LDLRAD3: variants seen among roughly 807,000 people sequenced by gnomAD.
LDLRAD3 encodes low density lipoprotein receptor class A domain containing 3.
A neutral mutation model predicts 29.4 loss-of-function variants in LDLRAD3; 20 were observed. That is an observed-to-expected ratio of 0.68 (90% CI 0.48 to 0.99). LDLRAD3 has a LOEUF of 0.99. Ranked by LOEUF, LDLRAD3 falls within the 50% of genes least tolerant of loss-of-function variation. The pLI is 0.00. For synonymous variants in LDLRAD3, 157 were observed against 192.7 expected (o/e 0.81, Z 1.53); for missense variants, 420 against 454.3 (o/e 0.92, Z 0.69).
intron 4 of LDLRAD3, among the ~76,000 whole-genome samples, chr11:36,207,473 G>GAC (rs1238755628): frequency 6.6e-6 from 1 of 152,232 alleles, no homozygotes; most frequent in East Asian, 1.9e-4. Context: ...AGCATAAGGA[G>GAC]ACCCTGTCTC....
At position 36,182,913 on chromosome 11, in the gene LDLRAD3, T is replaced by C. The variant is rs376965406; in HGVS notation, c.455-44172T>C. Among the ~76,000 whole-genome samples the C allele has an allele frequency of 3.9e-5, 6 of 152,338 alleles. No homozygotes were observed. In the East Asian group the frequency reaches 7.7e-4, roughly 20 times the overall value. ...TGTTAAACACATGCAGAGCCTGATA[T>C]TAAGCATTAAACCAAGGAGCTAGGC... On this transcript the variant is annotated intron_variant, in intron 4 of 5. Coordinates refer to ENST00000315571, the MANE Select transcript of LDLRAD3 (RefSeq NM_174902.4).
chr11:36,170,805 T>G (rs1422405043), intron 4 of LDLRAD3, among the ~76,000 whole-genome samples: 1 of 124,510 alleles, frequency 8.0e-6, no homozygotes, highest in Non-Finnish European at 1.8e-5. Context: ...GTATATCTTC[T>G]TTTTTTTTTT....
intron 4 of LDLRAD3, among the ~76,000 whole-genome samples, chr11:36,161,696 A>G (rs1231295219): frequency 3.3e-5 from 5 of 152,146 alleles, no homozygotes; most frequent in Admixed American, 1.3e-4. Context: ...GACATATACA[A>G]CCTGGGCTTC....
intron 2 of LDLRAD3, among the ~76,000 whole-genome samples, chr11:36,078,288 T>G (rs1853049741): frequency 6.6e-6 from 1 of 152,222 alleles, no homozygotes; most frequent in Non-Finnish European, 1.5e-5. Flanking sequence ...CCCTTCTGCC[T>G]AGGAGCATGT....
intron 3 of LDLRAD3, among the ~76,000 whole-genome samples, chr11:36,093,744 A>G (rs537227531): frequency 6.6e-6 from 1 of 152,260 alleles, no homozygotes; most frequent in African/African-American, 2.4e-5. Context: ...TATGCTGACA[A>G]TTTGAAGGGT....
chr11:36,060,273 G>A (rs1269980782), intron 2 of LDLRAD3, among the ~76,000 whole-genome samples: 1 of 149,556 alleles, frequency 6.7e-6, no homozygotes, highest in African/African-American at 2.5e-5. Context: ...AGAATGGCGT[G>A]AACCCGGGAG....
At chr11:36,179,518 G>A (rs554431204) in intron 4 of LDLRAD3, among the ~76,000 whole-genome samples, 5 of 152,208 alleles carry the variant, frequency 3.3e-5, no homozygotes, top group South Asian at 4.2e-4. Flanking sequence ...TTTTACAAGC[G>A]TCTCAGCTCA....
intron 1 of LDLRAD3, among the ~76,000 whole-genome samples, chr11:35,953,758 G>A (rs1017869851): frequency 5.3e-5 from 8 of 152,132 alleles, no homozygotes; most frequent in African/African-American, 1.9e-4. Context: ...AGAGTGATTA[G>A]CAACATAGGG....
At chr11:36,138,921 A>G (rs1212658776) in intron 4 of LDLRAD3, among the ~76,000 whole-genome samples, 1 of 152,214 alleles carries the variant, frequency 6.6e-6, no homozygotes, top group Non-Finnish European at 1.5e-5. Flanking sequence ...CTGTTTACCT[A>G]TACACACCTT....
intron 1 of LDLRAD3, among the ~76,000 whole-genome samples, chr11:35,998,301 A>G (rs1231149118): frequency 6.6e-6 from 1 of 152,066 alleles, no homozygotes; most frequent in Non-Finnish European, 1.5e-5. Flanking sequence ...AGAGAAAGGC[A>G]TTTTTCCTCC....
intron 4 of LDLRAD3, among the ~76,000 whole-genome samples, chr11:36,187,353 A>G (rs928488257): frequency 4.6e-5 from 7 of 152,208 alleles, no homozygotes; most frequent in Non-Finnish European, 8.8e-5. Context: ...TCGTGTATCT[A>G]TGTGCCTATA....
At chr11:36,130,379 G>C (rs79188934) in intron 4 of LDLRAD3, among the ~76,000 whole-genome samples, 1 of 152,126 alleles carries the variant, frequency 6.6e-6, no homozygotes, top group Non-Finnish European at 1.5e-5. Flanking sequence ...ATGTGTCCAC[G>C]GGGGCTGGAA....
chr11:36,067,855 A>G (rs1389773075), intron 2 of LDLRAD3, among the ~76,000 whole-genome samples: 2 of 151,956 alleles, frequency 1.3e-5, no homozygotes, highest in Non-Finnish European at 2.9e-5. Context: ...TTTTTTGTAG[A>G]GATAAGGTTT....
At chr11:36,014,479 G>A (rs1233927519) in intron 1 of LDLRAD3, among the ~76,000 whole-genome samples, 2 of 152,236 alleles carry the variant, frequency 1.3e-5, no homozygotes, top group African/African-American at 2.4e-5. Context: ...GGTACCTGCA[G>A]TGATGGTAAC....
intron 1 of LDLRAD3, chr11:35,967,997 T>G (rs896383903): frequency 1.4e-5 from 6 of 434,510 alleles, no homozygotes; most frequent in Non-Finnish European, 2.7e-5. Context: ...CATAAACACT[T>G]CTATCCAGGC....
intron 1 of LDLRAD3, among the ~76,000 whole-genome samples, chr11:35,983,636 T>A (rs1851571827): frequency 6.6e-6 from 1 of 152,208 alleles, no homozygotes; most frequent in Admixed American, 6.5e-5. Flanking sequence ...TATTTATTTA[T>A]TTATTTGTTT....
intron 4 of LDLRAD3, among the ~76,000 whole-genome samples, chr11:36,185,289 G>A (rs373505622): frequency 1.5e-3 from 222 of 152,252 alleles, no homozygotes; most frequent in Middle Eastern, 0.01. Flanking sequence ...CAAATGAGAT[G>A]GACCAAGTCT....
At chr11:36,053,746 T>C (rs1245654228) in intron 2 of LDLRAD3, among the ~76,000 whole-genome samples, 3 of 152,190 alleles carry the variant, frequency 2.0e-5, no homozygotes, top group Non-Finnish European at 2.9e-5. Flanking sequence ...AAGATCTCTC[T>C]TCAGTGCCCT....
At chr11:35,981,160 G>A (rs1040563626) in intron 1 of LDLRAD3, among the ~76,000 whole-genome samples, 4 of 139,624 alleles carry the variant, frequency 2.9e-5, no homozygotes, top group East Asian at 2.4e-4. Flanking sequence ...AAATGCTCAC[G>A]TCATTAGGCC....
Sources: allele counts gnomAD v4.1 joint callset (sites outside exome capture counted in the v4.1 genomes callset), GRCh38; gene constraint gnomAD v4.1.1; transcripts MANE v1.5; gene names NCBI Gene and HGNC (gene_info 2026-07-23, HGNC 2026-07-21).